ST8SIA6: variants seen among roughly 807,000 people sequenced by gnomAD.
ST8SIA6 encodes alpha-2,8-sialyltransferase 8F.
Under a neutral mutation model 33.6 loss-of-function variants are expected in ST8SIA6, and 39 were observed. The ratio of observed to expected loss-of-function variants is 1.16; its 90% CI spans 0.90 to 1.52. The LOEUF (loss-of-function observed/expected upper bound fraction) is 1.52, where lower values mean the gene tolerates loss of function less well. Ranked by LOEUF, ST8SIA6 falls within the 40% of genes most tolerant of loss-of-function variation. The pLI is 0.00. For missense variants in ST8SIA6, 441 were observed against 443.8 expected (o/e 0.99, Z 0.06); for synonymous variants, 172 against 167.2 (o/e 1.03, Z -0.22).
In ST8SIA6 at chr10:17,359,580, AG is replaced by A. The variant is rs765788285; in HGVS notation, c.310del (p.Leu104PhefsTer49). 3.7e-6 allele frequency: 6 copies of A among 1,604,444 alleles called. No homozygotes were observed. Among genetic ancestry groups the A allele is most frequent in the Non-Finnish European group, 5.1e-6 (6 of 1,176,308 alleles). ...ACTCTGTATATCTGTGATAATCTGA[AG>A]GTAGTCGTTCTCTGAATACCTAAAA... Reference protein sequence around the residue: ...KTKGYSENDYLQIITDIQSCP... With the variant: ...KTKGYSENDYXQIITDIQSCP... On this transcript the variant is annotated frameshift_variant, in exon 4 of 8. Coordinates refer to ENST00000377602, the MANE Select transcript of ST8SIA6 (RefSeq NM_001004470.3). LOFTEE classifies it high-confidence loss of function.
rs1847825607 is a variant in ST8SIA6, at chr10:17,317,916, G to A, written c.*2962C>T. 6.6e-6 allele frequency among the ~76,000 whole-genome samples: 1 copy of A among 152,154 alleles called. No individual in the cohort carries two copies. Among genetic ancestry groups the A allele is most frequent in the Non-Finnish European group, 1.5e-5 (1 of 68,018 alleles). On this transcript the variant is annotated 3_prime_UTR_variant, in exon 8 of 8. Transcript: ENST00000377602. ...TTTGTCATTGCCTTTTGTTCCAAGG[G>A]AAAAGCACCAGAGACTTCAAGGATG...
intron 3 of ST8SIA6, among the ~76,000 whole-genome samples, chr10:17,370,355 T>C (rs2131631170): frequency 6.6e-6 from 1 of 152,344 alleles, no homozygotes; most frequent in South Asian, 2.1e-4. Flanking sequence ...TAGTTAGATT[T>C]ATGTCTGCTA....
At chr10:17,381,275 G>C (rs1850142726) in intron 3 of ST8SIA6, among the ~76,000 whole-genome samples, 1 of 151,946 alleles carries the variant, frequency 6.6e-6, no homozygotes, top group African/African-American at 2.4e-5. Context: ...CAAACTTAAG[G>C]CTATTTAGCT....
At chr10:17,368,407 C>CAAAAGAAAAAAAAAA (rs1849627856) in intron 3 of ST8SIA6, among the ~76,000 whole-genome samples, 1 of 72,198 alleles carries the variant, frequency 1.4e-5, no homozygotes, top group African/African-American at 4.7e-5. Flanking sequence ...AGCTCTGTCT[C>CAAAAGAAAAAAAAAA]AAAAAAAAAA....
chr10:17,405,075 T>C (rs1324734362), intron 2 of ST8SIA6, among the ~76,000 whole-genome samples: 2 of 152,224 alleles, frequency 1.3e-5, no homozygotes, highest in Non-Finnish European at 2.9e-5. Flanking sequence ...ATGTATCTAT[T>C]CTGTGGATTC....
At chr10:17,425,163 A>C (rs1247828878) in intron 2 of ST8SIA6, among the ~76,000 whole-genome samples, 2 of 152,070 alleles carry the variant, frequency 1.3e-5, no homozygotes. Flanking sequence ...ACATATACGT[A>C]TATTTTATAT....
chr10:17,389,011 C>G (rs1249063480), intron 3 of ST8SIA6, among the ~76,000 whole-genome samples: 1 of 152,106 alleles, frequency 6.6e-6, no homozygotes, highest in African/African-American at 2.4e-5. Flanking sequence ...TTTTCAGACC[C>G]TAGACTGGAT....
intron 2 of ST8SIA6, among the ~76,000 whole-genome samples, chr10:17,398,068 T>C (rs879620793): frequency 9.2e-5 from 14 of 152,188 alleles, no homozygotes; most frequent in Non-Finnish European, 1.8e-4. Context: ...GGCTCATGCC[T>C]GTAATCCCAG....
intron 2 of ST8SIA6, among the ~76,000 whole-genome samples, chr10:17,411,247 G>A (rs915209891): frequency 6.6e-6 from 1 of 151,864 alleles, no homozygotes; most frequent in South Asian, 2.1e-4. Context: ...AGTGCAGTGC[G>A]ATCTCGGCTC....
In ST8SIA6 at chr10:17,452,310, C is replaced by T. The variant is rs531280924; in HGVS notation, c.200+1249G>A. Reference sequence around the variant, plus strand: ...GCCACTTCCAGACCCTTCTTAGAGCCGTGCTAGAGCTTCCTGGAGTTACAC... The same window carrying T: ...GCCACTTCCAGACCCTTCTTAGAGCTGTGCTAGAGCTTCCTGGAGTTACAC... On this transcript the variant is annotated intron_variant, in intron 2 of 7. Transcript: ENST00000377602. 7.4e-4 allele frequency among the ~76,000 whole-genome samples: 113 copies of T among 152,224 alleles called. 1 individual carries two copies. The highest frequency in any genetic ancestry group is 6.5e-4 in the Admixed American group (10 of 15,290).
chr10:17,416,277 C>G (rs566807926), intron 2 of ST8SIA6, among the ~76,000 whole-genome samples: 1 of 152,240 alleles, frequency 6.6e-6, no homozygotes, highest in South Asian at 2.1e-4. Flanking sequence ...TGGGAATACC[C>G]TAGAACTTGC....
intron 3 of ST8SIA6, among the ~76,000 whole-genome samples, chr10:17,380,140 T>G (rs1008795309): frequency 6.6e-6 from 1 of 152,204 alleles, no homozygotes; most frequent in African/African-American, 2.4e-5. Context: ...CCTGCTTCCA[T>G]GTCGATGGAA....
intron 2 of ST8SIA6, among the ~76,000 whole-genome samples, chr10:17,438,848 G>A (rs531162080): frequency 5.9e-5 from 9 of 152,348 alleles, no homozygotes; most frequent in African/African-American, 2.2e-4. Flanking sequence ...TCATCTTTGA[G>A]GAAAAGGGAT....
intron 3 of ST8SIA6, 37 bp downstream of exon 3, chr10:17,390,494 T>C (rs1303059201): frequency 6.6e-7 from 1 of 1,520,222 alleles, no homozygotes; most frequent in Non-Finnish European, 9.1e-7. Context: ...AAAACCCTTG[T>C]TGTAAAAGGA....
rs138842680 is a variant in ST8SIA6, at chr10:17,360,938, GGAA to G, written c.291-1341_291-1339del. On this transcript the variant is annotated intron_variant, in intron 3 of 7. Coordinates refer to ENST00000377602, the MANE Select transcript of ST8SIA6 (RefSeq NM_001004470.3). ...GAAGAAGGGAAGAAGAAGAGGAAAAGGAAGAAGAAGAAGAAGGAGGAGGAGGAG... is the reference window on the plus strand; with the variant it reads ...GAAGAAGGGAAGAAGAAGAGGAAAAGGAAGAAGAAGAAGGAGGAGGAGGAG... 8.1e-3 allele frequency among the ~76,000 whole-genome samples: 1,198 copies of G among 148,648 alleles called. 11 individuals are homozygous for G. The highest frequency in any genetic ancestry group is 0.026 in the African/African-American group (1,050 of 40,124).
intron 2 of ST8SIA6, among the ~76,000 whole-genome samples, chr10:17,446,162 G>A (rs1055945485): frequency 6.6e-6 from 1 of 152,136 alleles, no homozygotes; most frequent in African/African-American, 2.4e-5. Context: ...CAAGTCCTAA[G>A]TCCTCCAATC....
chr10:17,336,497 C>T (rs182361534), intron 4 of ST8SIA6, among the ~76,000 whole-genome samples: 290 of 152,182 alleles, frequency 1.9e-3, no homozygotes, highest in African/African-American at 6.7e-3. Context: ...ATCTCCCGAC[C>T]CTCCGCCAAG....
At chr10:17,363,787 C>G (rs2131622784) in intron 3 of ST8SIA6, among the ~76,000 whole-genome samples, 1 of 152,256 alleles carries the variant, frequency 6.6e-6, no homozygotes, top group Admixed American at 6.5e-5. Flanking sequence ...CCCCTCCACC[C>G]AAGCTGATAG....
chr10:17,321,705 C>A (rs972131156), intron 7 of ST8SIA6, among the ~76,000 whole-genome samples: 2 of 151,958 alleles, frequency 1.3e-5, no homozygotes, highest in African/African-American at 4.8e-5. Context: ...AATATTTTTT[C>A]AAGCATAGTA....
Sources: gnomAD v4.1 joint callset for allele counts (sites outside exome capture counted in the v4.1 genomes callset) on GRCh38, gnomAD v4.1.1 for gene constraint, MANE v1.5 for transcripts, NCBI Gene and HGNC (gene_info 2026-07-23, HGNC 2026-07-21) for gene names.